VWA3B: variants seen among roughly 807,000 people sequenced by gnomAD.
VWA3B encodes von Willebrand factor A domain-containing protein 3B.
A neutral mutation model predicts 158.3 loss-of-function variants in VWA3B; 138 were observed. The observed-to-expected ratio is 0.87, with a 90% CI of 0.76 to 1.00. The LOEUF (loss-of-function observed/expected upper bound fraction) is 1.00. Ranked by LOEUF, VWA3B falls within the 50% of genes least tolerant of loss-of-function variation. The pLI is 0.00. For synonymous variants in VWA3B, 596 were observed against 587.3 expected (o/e 1.01, Z -0.21); for missense variants, 1,555 against 1,565.1 (o/e 0.99, Z 0.11).
Position 98,292,857 on chromosome 2 carries a change from G to A in VWA3B, c.3157+2235G>A, listed in dbSNP as rs553298629. On this transcript the variant is annotated intron_variant, in intron 23 of 27. Transcript: ENST00000477737. ...CGGGCACCTGTAATCCCAGCTACTC[G>A]GGAGGCTGAGGCAGGAGAATCGCTT... Among the ~76,000 whole-genome samples, 12 of 152,004 alleles carry A rather than the reference G, an allele frequency of 7.9e-5. No individual in the cohort carries two copies. In the South Asian group the frequency reaches 2.1e-3, roughly 26 times the overall value.
At chr2:98,308,279 C>G (rs577291600) in intron 26 of VWA3B, among the ~76,000 whole-genome samples, 3 of 152,152 alleles carry the variant, frequency 2.0e-5, no homozygotes, top group Non-Finnish European at 4.4e-5. Context: ...TTCTCTGACA[C>G]ACGGCTGAGA....
intron 8 of VWA3B, among the ~76,000 whole-genome samples, chr2:98,180,007 C>G (rs913179563): frequency 2.9e-5 from 4 of 140,330 alleles, no homozygotes; most frequent in Non-Finnish European, 6.1e-5. Context: ...CCCTCCCTTT[C>G]TATTTTCTTT....
intron 9 of VWA3B, among the ~76,000 whole-genome samples, chr2:98,181,952 T>C (rs1283419914): frequency 6.6e-6 from 1 of 152,034 alleles, no homozygotes; most frequent in Non-Finnish European, 1.5e-5. Context: ...GAAGACAAGG[T>C]GTCAAAGGTT....
chr2:98,182,592 T>C (rs6706108), intron 9 of VWA3B, among the ~76,000 whole-genome samples: 4,967 of 152,322 alleles, frequency 0.033, 265 homozygotes, highest in African/African-American at 0.11. Flanking sequence ...CATTATTCTG[T>C]AATGTTCAGG....
intron 3 of VWA3B, among the ~76,000 whole-genome samples, chr2:98,116,096 G>A (rs186268747): frequency 2.4e-4 from 37 of 152,318 alleles, no homozygotes; most frequent in Non-Finnish European, 4.0e-4. Flanking sequence ...AGGAATAGGG[G>A]CAGCATTTGC....
intron 26 of VWA3B, among the ~76,000 whole-genome samples, chr2:98,309,633 G>A (rs1487638123): frequency 2.0e-5 from 3 of 152,222 alleles, no homozygotes; most frequent in Non-Finnish European, 4.4e-5. Context: ...TTGACCCCGT[G>A]TAGTGTTGTG....
At chr2:98,282,654 G>T (rs911764450) in intron 22 of VWA3B, among the ~76,000 whole-genome samples, 2 of 151,926 alleles carry the variant, frequency 1.3e-5, no homozygotes, top group Admixed American at 6.6e-5. Flanking sequence ...GGCCAGGCTG[G>T]TCTCAAACTC....
chr2:98,093,838 C>T (rs186568505), intron 2 of VWA3B, among the ~76,000 whole-genome samples: 33 of 152,284 alleles, frequency 2.2e-4, no homozygotes, highest in Non-Finnish European at 3.4e-4. Flanking sequence ...TCACTCTACT[C>T]GCTACTTCTA....
At chr2:98,314,141 G>A (rs186262541), downstream of VWA3B, among the ~76,000 whole-genome samples, 38 of 152,302 alleles carry the variant, frequency 2.5e-4, no homozygotes, top group African/African-American at 8.7e-4. Flanking sequence ...ATAGGGAGGG[G>A]GAACCCAAAC....
intron 14 of VWA3B, among the ~76,000 whole-genome samples, chr2:98,221,071 CA>C (rs1684459678): frequency 6.6e-6 from 1 of 151,814 alleles, no homozygotes; most frequent in Non-Finnish European, 1.5e-5. Flanking sequence ...ACCACTGTGG[CA>C]TATGTTTACC....
intron 6 of VWA3B, among the ~76,000 whole-genome samples, chr2:98,129,193 T>TGAGA (rs1353129339): frequency 8.5e-6 from 1 of 118,294 alleles, no homozygotes; most frequent in Admixed American, 8.0e-5. Context: ...AGAGAGAGAG[T>TGAGA]GAGAGAGAGA....
chr2:98,155,530 G>A (rs1018267407), intron 7 of VWA3B, among the ~76,000 whole-genome samples: 4 of 152,134 alleles, frequency 2.6e-5, no homozygotes, highest in African/African-American at 4.8e-5. Context: ...TCTGTAAAAC[G>A]GGGATGATGA....
Position 98,216,985 on chromosome 2 carries a change from C to CCCCT in VWA3B, c.1837-861_1837-860insCCCT, listed in dbSNP as rs373240618. 7.9e-5 allele frequency: 98 copies of CCCCT among 1,245,396 alleles called. 1 individual carries two copies. Among genetic ancestry groups the CCCCT allele is most frequent in the South Asian group, 7.8e-4 (59 of 75,486 alleles). 77.1% of individuals were successfully genotyped at this position (1,245,396 alleles called of 1,614,324 possible). A position where few individuals can be genotyped will look rare whatever the true frequency, so the allele number is the denominator to read the frequency against. On this transcript the variant is annotated intron_variant, in intron 13 of 27. Transcript: ENST00000477737. ...TGTCATGTGTATCATTGTAAGCACC[C>CCCCT]GCCCCGCACCCAGTCTCAGGTGGTC... is the stretch of plus-strand genomic sequence containing the variant.
At chr2:98,149,231 A>G (rs1474733110) in intron 7 of VWA3B, among the ~76,000 whole-genome samples, 1 of 152,214 alleles carries the variant, frequency 6.6e-6, no homozygotes, top group Non-Finnish European at 1.5e-5. Context: ...ATTTTGAAAC[A>G]ATAATATTAT....
intron 20 of VWA3B, 39 bp from the exon 21 acceptor site, chr2:98,256,085 A>G: frequency 6.2e-7 from 1 of 1,609,592 alleles, no homozygotes; most frequent in Non-Finnish European, 8.5e-7. Flanking sequence ...GAAATGAAGT[A>G]CTGCTACAAA....
chr2:98,245,618 A>G, intron 19 of VWA3B: 1 of 456,814 alleles, frequency 2.2e-6, no homozygotes, highest in Non-Finnish European at 4.4e-6. Flanking sequence ...AACACTAAGC[A>G]GTGGGTTTTT....
chr2:98,278,167 C>T (rs1340647778), intron 22 of VWA3B, among the ~76,000 whole-genome samples: 1 of 152,174 alleles, frequency 6.6e-6, no homozygotes, highest in African/African-American at 2.4e-5. Context: ...TCCCTGACCC[C>T]TTCATGGGAC....
In VWA3B at chr2:98,287,482, CTA is replaced by C. The variant is rs1689232337; in HGVS notation, c.3046-3027_3046-3026del. 2.0e-5 allele frequency among the ~76,000 whole-genome samples: 3 copies of C among 152,194 alleles called. 1 individual carries two copies. The South Asian group carries it at 6.2e-4, about 32-fold the overall frequency. On this transcript the variant is annotated intron_variant, in intron 22 of 27. Transcript: ENST00000477737. ...ATTGATTGGGAATTAAAAATAATGA[CTA>C]TTCTGGATGATGGAATGAAGGCTAC... is the stretch of plus-strand genomic sequence containing the variant.
chr2:98,224,129 T>A (rs923287228), intron 14 of VWA3B, among the ~76,000 whole-genome samples: 3 of 152,158 alleles, frequency 2.0e-5, no homozygotes, highest in African/African-American at 7.2e-5. Flanking sequence ...TTTTCATTGA[T>A]TGTTTACAGG....
Sources: allele counts gnomAD v4.1 joint callset (sites outside exome capture counted in the v4.1 genomes callset), GRCh38; gene constraint gnomAD v4.1.1; transcripts MANE v1.5; gene names NCBI Gene and HGNC (gene_info 2026-07-23, HGNC 2026-07-21).